The following DTNB variants were observed in gnomAD, a reference collection of about 807,000 sequenced individuals.
The protein encoded by DTNB is dystrobrevin beta, also known as DTN-B.
Under a neutral mutation model 90.7 loss-of-function variants are expected in DTNB, and 63 were observed. The ratio of observed to expected loss-of-function variants is 0.69; its 90% confidence interval spans 0.57 to 0.86. The LOEUF (loss-of-function observed/expected upper bound fraction) is 0.86. Ranked by LOEUF, DTNB falls within the 40% of genes least tolerant of loss-of-function variation. The pLI is 0.00. For missense variants in DTNB, 744 were observed against 807.1 expected (o/e 0.92, Z 0.95); for synonymous variants, 277 against 286.7 (o/e 0.97, Z 0.34).
At chr2:25,479,130 G>A (rs1413672004) in intron 10 of DTNB, among the ~76,000 whole-genome samples, 1 of 152,174 alleles carries the variant, frequency 6.6e-6, no homozygotes, top group Non-Finnish European at 1.5e-5. Flanking sequence ...AAAGCACAAA[G>A]TTGCATACTG....
At chr2:25,473,994 G>A (rs1484526821) in intron 10 of DTNB, among the ~76,000 whole-genome samples, 4 of 152,310 alleles carry the variant, frequency 2.6e-5, no homozygotes, top group South Asian at 4.1e-4. Context: ...AGTCCAACGC[G>A]AAGAAGAAAC....
intron 9 of DTNB, among the ~76,000 whole-genome samples, chr2:25,503,866 G>A (rs2071510414): frequency 1.3e-5 from 2 of 151,776 alleles, no homozygotes; most frequent in South Asian, 4.2e-4. Context: ...GCAGTGAGCT[G>A]AGATGGCACC....
At position 25,432,997 on chromosome 2, in the gene DTNB, T is replaced by A; in HGVS notation, c.1346A>T (p.Glu449Val). 1 of 1,603,266 alleles carries A rather than the reference T, an allele frequency of 6.2e-7. No homozygotes were observed. The highest frequency in any genetic ancestry group is 8.5e-7 in the Non-Finnish European group (1 of 1,176,210). The change falls in exon 14 of 21, where the codon GAG becomes GTG. Residue 449 changes from glutamate (E) to valine (V), a missense_variant and splice_region_variant. By Grantham distance (121) the Glu-to-Val change is moderately radical (BLOSUM62 -2). Transcript: ENST00000406818. ...GAGACGCTGAATCTCCTGCAGGATC[T>A]CTCTAGAGAGGATGGGTGAACGGAA... ...LIAELENKNR[E>V]ILQEIQRLRL...
chr2:25,469,803 G>A (rs2062454864), intron 10 of DTNB, among the ~76,000 whole-genome samples: 1 of 152,188 alleles, frequency 6.6e-6, no homozygotes, highest in African/African-American at 2.4e-5. Context: ...TGAGTTTTAA[G>A]CAGGGGACTG....
intron 16 of DTNB, among the ~76,000 whole-genome samples, chr2:25,405,386 C>T (rs1353470248): frequency 6.6e-6 from 1 of 151,958 alleles, no homozygotes; most frequent in Non-Finnish European, 1.5e-5. Context: ...ACTAAAAATA[C>T]AAAAATTAGC....
chr2:25,482,971 A>T, intron 9 of DTNB, 98 bp from the exon 10 acceptor site: 1 of 1,168,628 alleles, frequency 8.6e-7, no homozygotes, highest in Non-Finnish European at 1.1e-6. Flanking sequence ...ACCAATCATC[A>T]TTCGCGGTAA....
At chr2:25,420,262 CTTTTTTTTTTTTTT>C (rs56815083) in intron 15 of DTNB, among the ~76,000 whole-genome samples, 2 of 63,884 alleles carry the variant, frequency 3.1e-5, no homozygotes, top group Non-Finnish European at 6.7e-5. Context: ...CAGGCACAGT[CTTTTTTTTTTTTTT>C]TTTTTTTTTT....
At chr2:25,398,729 C>T (rs1243114856) in intron 16 of DTNB, among the ~76,000 whole-genome samples, 1 of 152,168 alleles carries the variant, frequency 6.6e-6, no homozygotes, top group African/African-American at 2.4e-5. Flanking sequence ...GAGCACTACT[C>T]TCCCCCATGC....
chr2:25,380,744 G>T (rs1307494906), intron 19 of DTNB, among the ~76,000 whole-genome samples: 1 of 151,790 alleles, frequency 6.6e-6, no homozygotes, highest in Non-Finnish European at 1.5e-5. Context: ...TGCACGTGCA[G>T]AGACAGTGCC....
At chr2:25,410,264 A>G (rs1410174951) in intron 16 of DTNB, among the ~76,000 whole-genome samples, 3 of 152,142 alleles carry the variant, frequency 2.0e-5, no homozygotes, top group Non-Finnish European at 4.4e-5. Flanking sequence ...AGACAGAAAT[A>G]TAGTACAGGA....
Position 25,436,907 on chromosome 2 carries a change from G to A in DTNB, c.1258-2912C>T, listed in dbSNP as rs1203271545. 2.6e-5 allele frequency among the ~76,000 whole-genome samples: 4 copies of A among 152,324 alleles called. No individual in the cohort carries two copies. The East Asian group carries it at 5.8e-4, about 22-fold the overall frequency. ...AAAGAAATTTGCTTCATATGATGAT[G>A]AAAAGAAGCCCTGTGGCACTTCTCT... On this transcript the variant is annotated intron_variant, in intron 12 of 20. Transcript: ENST00000406818.
At chr2:25,570,097 G>GAAAAA (rs58904320) in intron 8 of DTNB, among the ~76,000 whole-genome samples, 1 of 124,930 alleles carries the variant, frequency 8.0e-6, no homozygotes, top group African/African-American at 3.0e-5. Flanking sequence ...ACTGCATCTG[G>GAAAAA]AAAAAAAAAA....
intron 10 of DTNB, among the ~76,000 whole-genome samples, chr2:25,458,635 A>ATATTTATT (rs777004287): frequency 1.3e-5 from 2 of 151,008 alleles, no homozygotes; most frequent in East Asian, 1.9e-4. Context: ...CACCCGGCTA[A>ATATTTATT]TATTTATTTA....
At chr2:25,555,291 CAAA>C in intron 8 of DTNB, among the ~76,000 whole-genome samples, 1 of 53,988 alleles carries the variant, frequency 1.9e-5, no homozygotes, top group African/African-American at 7.1e-5. Flanking sequence ...ACTCCGTCTC[CAAA>C]AAAAAAAAAA....
chr2:25,559,506 C>A (rs922824408), intron 8 of DTNB, among the ~76,000 whole-genome samples: 7 of 152,196 alleles, frequency 4.6e-5, no homozygotes, highest in Non-Finnish European at 1.0e-4. Context: ...GTCGTATAAT[C>A]AGACCAAAAC....
At chr2:25,514,405 A>G (rs1465688919) in intron 9 of DTNB, among the ~76,000 whole-genome samples, 4 of 152,174 alleles carry the variant, frequency 2.6e-5, no homozygotes, top group African/African-American at 4.8e-5. Context: ...GTTGCCAGGA[A>G]CCAGATTTTA....
At chr2:25,671,021 T>C (rs1391586826) in intron 1 of DTNB, among the ~76,000 whole-genome samples, 1 of 152,246 alleles carries the variant, frequency 6.6e-6, no homozygotes, top group Non-Finnish European at 1.5e-5. Context: ...ATCACAGTGC[T>C]TGTGTTCAAG....
intron 2 of DTNB, 119 bp downstream of exon 2, chr2:25,652,475 T>C: frequency 2.0e-6 from 2 of 996,914 alleles, no homozygotes; most frequent in Middle Eastern, 2.2e-4. Context: ...CTCCCATTCT[T>C]CCCTCTGCAA....
chr2:25,672,729 G>A (rs1209115324), intron 1 of DTNB: 1 of 152,184 alleles, frequency 6.6e-6, no homozygotes, highest in East Asian at 1.9e-4. Flanking sequence ...TCAATAACAT[G>A]ACGGTGTTCC....
Sources: allele counts gnomAD v4.1 joint callset (sites outside exome capture counted in the v4.1 genomes callset), GRCh38; gene constraint gnomAD v4.1.1; transcripts MANE v1.5; gene names NCBI Gene and HGNC (gene_info 2026-07-23, HGNC 2026-07-21).